The following MPDZ variants were observed in gnomAD, a reference collection of about 807,000 sequenced individuals.
The protein encoded by MPDZ is multiple PDZ domain protein.
In MPDZ, 234 loss-of-function variants were observed where a neutral mutation model predicts 239.1. That is an observed-to-expected ratio of 0.98 (90% CI 0.88 to 1.09). The LOEUF (loss-of-function observed/expected upper bound fraction) is 1.09, where lower values mean the gene tolerates loss of function less well. Among genes scored for constraint, MPDZ ranks in the 50% least tolerant of loss-of-function variants. The pLI is 0.00. For synonymous variants in MPDZ, 1,048 were observed against 881.3 expected, an observed-to-expected ratio of 1.19 and a Z score of -3.35; for missense variants, 3,175 against 2,510.0, an observed-to-expected ratio of 1.26 and a Z score of -5.66.
intron 21 of MPDZ, among the ~76,000 whole-genome samples, chr9:13,173,169 C>A (rs1952008483): frequency 6.6e-6 from 1 of 151,984 alleles, no homozygotes; most frequent in Admixed American, 6.6e-5. Context: ...ATTGGGGAAC[C>A]CAAAAAACGT....
intron 22 of MPDZ, among the ~76,000 whole-genome samples, chr9:13,163,865 A>C (rs1026803922): frequency 6.6e-6 from 1 of 152,176 alleles, no homozygotes; most frequent in Non-Finnish European, 1.5e-5. Flanking sequence ...GAGTATACAT[A>C]ATTTCAAATA....
intron 24 of MPDZ, among the ~76,000 whole-genome samples, chr9:13,151,852 A>G (rs1410385398): frequency 6.6e-6 from 1 of 151,326 alleles, no homozygotes; most frequent in Non-Finnish European, 1.5e-5. Context: ...TAATTTTTAC[A>G]AATATTACTT....
chr9:13,260,289 AAAAGGAAAAT>A (rs1181242728), intron 1 of MPDZ, among the ~76,000 whole-genome samples: 1 of 152,168 alleles, frequency 6.6e-6, no homozygotes, highest in Non-Finnish European at 1.5e-5. Context: ...ACTAGAGAAG[AAAAGGAAAAT>A]AAAGGAAAAT....
chr9:13,199,486 G>A (rs1014315850), intron 12 of MPDZ, among the ~76,000 whole-genome samples: 1 of 151,812 alleles, frequency 6.6e-6, no homozygotes, highest in African/African-American at 2.4e-5. Context: ...CTGGATGCCC[G>A]TTATTTCCTT....
intron 21 of MPDZ, 37 bp from the exon 22 acceptor site, chr9:13,168,601 A>G: frequency 7.5e-7 from 1 of 1,335,008 alleles, no homozygotes; most frequent in Non-Finnish European, 1.0e-6. Context: ...AATTAAATAC[A>G]TGATTTTTCA....
chr9:13,236,197 A>ATATGTGTGTGTG (rs1554715983), intron 3 of MPDZ, among the ~76,000 whole-genome samples: 4 of 76,968 alleles, frequency 5.2e-5, no homozygotes, highest in Non-Finnish European at 9.7e-5. Flanking sequence ...TTCTGTATAT[A>ATATGTGTGTGTG]TGTGTGTGTG....
chr9:13,140,203 C>G, intron 27 of MPDZ, 54 bp from the exon 28 acceptor site: 3 of 1,545,400 alleles, frequency 1.9e-6, no homozygotes, highest in East Asian at 4.6e-5. Context: ...AAGAAAACTT[C>G]AAGAAGAAGA....
chr9:13,168,643 T>C (rs903711394), intron 21 of MPDZ, 79 bp from the exon 22 acceptor site: 1 of 1,097,452 alleles, frequency 9.1e-7, no homozygotes, highest in Non-Finnish European at 1.3e-6. Context: ...ATAATTTCTA[T>C]GATTTATAGA....
At chr9:13,254,433 C>A (rs1968906393) in intron 1 of MPDZ, among the ~76,000 whole-genome samples, 1 of 151,986 alleles carries the variant, frequency 6.6e-6, no homozygotes, top group Admixed American at 6.6e-5. Flanking sequence ...GTACTAAATC[C>A]CTCAACACAA....
intron 12 of MPDZ, among the ~76,000 whole-genome samples, chr9:13,202,479 C>A (rs1032856991): frequency 6.6e-6 from 1 of 152,172 alleles, no homozygotes; most frequent in Non-Finnish European, 1.5e-5. Flanking sequence ...ATGGAACCAG[C>A]CAGTATCTTC....
At chr9:13,197,084 A>G (rs1162471295) in intron 12 of MPDZ, among the ~76,000 whole-genome samples, 1 of 151,750 alleles carries the variant, frequency 6.6e-6, no homozygotes. Context: ...CATTCCAGGC[A>G]TATTTTGTAG....
chr9:13,266,364 C>T (rs957129888), intron 1 of MPDZ, among the ~76,000 whole-genome samples: 1 of 152,170 alleles, frequency 6.6e-6, no homozygotes, highest in Non-Finnish European at 1.5e-5. Context: ...TGGTTTGACT[C>T]CTGTTGGTTT....
intron 22 of MPDZ, among the ~76,000 whole-genome samples, chr9:13,165,903 T>A (rs941407693): frequency 2.2e-4 from 33 of 152,116 alleles, no homozygotes; most frequent in Admixed American, 1.9e-3. Context: ...CTTGAACTCT[T>A]GAAACTCAAA....
intron 3 of MPDZ, among the ~76,000 whole-genome samples, chr9:13,228,836 A>G (rs1961476999): frequency 6.6e-6 from 1 of 152,194 alleles, no homozygotes; most frequent in African/African-American, 2.4e-5. Context: ...TATATTATAT[A>G]ATAAAGTTGT....
intron 3 of MPDZ, among the ~76,000 whole-genome samples, chr9:13,232,056 T>C (rs1962643519): frequency 6.6e-6 from 1 of 152,124 alleles, no homozygotes; most frequent in Non-Finnish European, 1.5e-5. Flanking sequence ...TTCTATTCAA[T>C]ATTAGACCCA....
intron 24 of MPDZ, among the ~76,000 whole-genome samples, chr9:13,151,601 G>C (rs1233855800): frequency 1.3e-5 from 2 of 152,008 alleles, no homozygotes; most frequent in Non-Finnish European, 2.9e-5. Flanking sequence ...AATTCATAGA[G>C]ACAGAAAGTA....
Position 13,223,694 on chromosome 9 carries a change from A to G in MPDZ, c.410T>C (p.Val137Ala), listed in dbSNP as rs1959550581. 2 of 1,606,120 alleles carry G rather than the reference A, an allele frequency of 1.2e-6. No homozygotes were observed. The highest frequency in any genetic ancestry group is 1.7e-6 in the Non-Finnish European group (2 of 1,176,102). The change falls in exon 5 of 47, where the codon GTT becomes GCT. Residue 137 changes from valine (V) to alanine (A), a missense_variant. Coordinates refer to ENST00000319217, the MANE Select transcript of MPDZ (RefSeq NM_001378778.1). ...KNMAQGRHVEVFELLKPPSGG... is the reference protein window; with the variant it reads ...KNMAQGRHVEAFELLKPPSGG... ...AGATGGAGGTTTGAGGAGCTCAAAA[A>G]CTTCTACATGGCGACCCTGTTTAGG...
chr9:13,263,568 A>G (rs1971178170), intron 1 of MPDZ, among the ~76,000 whole-genome samples: 1 of 152,170 alleles, frequency 6.6e-6, no homozygotes, highest in Admixed American at 6.5e-5. Context: ...ATATCTCATA[A>G]AGAATCATTT....
intron 22 of MPDZ, among the ~76,000 whole-genome samples, chr9:13,164,575 T>G (rs546082532): frequency 6.6e-6 from 1 of 152,302 alleles, no homozygotes; most frequent in African/African-American, 2.4e-5. Flanking sequence ...ACGAAGTCTT[T>G]AATTTTTTAT....
Sources: allele counts gnomAD v4.1 joint callset (sites outside exome capture counted in the v4.1 genomes callset), GRCh38; gene constraint gnomAD v4.1.1; transcripts MANE v1.5; gene names NCBI Gene and HGNC (gene_info 2026-07-23, HGNC 2026-07-21).